The following BRWD1 variants were observed in gnomAD, a reference collection of about 807,000 sequenced individuals.
The protein encoded by BRWD1 is bromodomain and WD repeat domain containing 1.
Under a neutral mutation model 251.2 loss-of-function variants are expected in BRWD1, and 82 were observed. That is an observed-to-expected ratio of 0.33 (90% confidence interval 0.27 to 0.39). The LOEUF is 0.39. Among genes scored for constraint, BRWD1 ranks in the 10% least tolerant of loss-of-function variants. The pLI, the probability that BRWD1 is intolerant of heterozygous loss-of-function variation, is 1.00. For synonymous variants in BRWD1, 918 were observed against 902.8 expected (o/e 1.02, Z -0.30); for missense variants, 2,233 against 2,711.6 (o/e 0.82, Z 3.92).
chr21:39,244,921 A>AATATATATATATATATATATATATAT (rs56801824), intron 21 of BRWD1, among the ~76,000 whole-genome samples: 1,212 of 111,924 alleles, frequency 0.011, 39 homozygotes, highest in Non-Finnish European at 0.014. Context: ...CTTTGGAAGA[A>AATATATATATATATATATATATATAT]ATATATATAT....
Position 39,313,612 on chromosome 21 carries a change from GCCA to G in BRWD1, c.-124_-122del, listed in dbSNP as rs1157697622. ...GCGCGCCGCCGCCGCCGCCGCCGCCGCCATACCGTGCGCGCCGCCTGGACCGAC... is the reference window on the plus strand; with the variant it reads ...GCGCGCCGCCGCCGCCGCCGCCGCCGTACCGTGCGCGCCGCCTGGACCGAC... On this transcript the variant is annotated 5_prime_UTR_variant, in exon 1 of 41. It removes an upstream start codon present in the reference 5' UTR. Coordinates refer to ENST00000342449, the MANE Select transcript of BRWD1 (RefSeq NM_033656.4). 1.9e-5 allele frequency: 15 copies of G among 776,048 alleles called. No homozygotes were observed. In the African/African-American group the frequency reaches 2.9e-4, roughly 15 times the overall value. The allele number at this position is 776,048 out of a possible 1,614,324, so 48.1% of individuals were successfully genotyped here.
intron 8 of BRWD1, among the ~76,000 whole-genome samples, chr21:39,288,020 A>C (rs940453797): frequency 1.3e-5 from 2 of 152,236 alleles, no homozygotes; most frequent in Admixed American, 1.3e-4. Context: ...GGTCTGGCTC[A>C]GTGTCTCAAG....
At position 39,238,593 on chromosome 21, in the gene BRWD1, A is replaced by C; in HGVS notation, c.2482-20T>G. 3.8e-6 allele frequency: 6 copies of C among 1,562,468 alleles called. No homozygotes were observed. Among genetic ancestry groups the C allele is most frequent in the Non-Finnish European group, 5.3e-6 (6 of 1,133,922 alleles). On this transcript the variant is annotated intron_variant, in intron 21 of 40. Coordinates refer to ENST00000342449, the MANE Select transcript of BRWD1 (RefSeq NM_033656.4). ...AGTCTCCTAATTTGTGAAGGGGGGA[A>C]AAAAATCTTGATCCCTGAAGTTAAA...
Position 39,225,203 on chromosome 21 carries a change from A to G in BRWD1, c.3209-6T>C, listed in dbSNP as rs1361021478. On this transcript the variant is annotated splice_region_variant and splice_polypyrimidine_tract_variant and intron_variant, in intron 27 of 40. Transcript: ENST00000342449. Reference sequence around the variant, plus strand: ...AATAGAGCGGAATCTGTCACCTAGGAGAGAAATGATCAAGTCTGAGGCATT... The same window carrying G: ...AATAGAGCGGAATCTGTCACCTAGGGGAGAAATGATCAAGTCTGAGGCATT... 6.3e-7 allele frequency: 1 copy of G among 1,589,664 alleles called. No homozygotes were observed.
chr21:39,314,632 G>T (rs752902360), upstream of BRWD1: 9 of 337,390 alleles, frequency 2.7e-5, no homozygotes, highest in Non-Finnish European at 4.7e-5. Context: ...CATCCAGCCT[G>T]CCCTGCTCTG....
intron 27 of BRWD1, 113 bp from the exon 28 acceptor site, chr21:39,225,310 A>T (rs9977787): frequency 0.12 from 88,415 of 733,782 alleles, 5,757 homozygotes; most frequent in Admixed American, 0.14. Context: ...CACAATACAA[A>T]AACAGGCAAG....
chr21:39,192,881 T>G lies in BRWD1; in HGVS notation c.*3378A>C. 1 of 902,710 alleles carries G rather than the reference T, an allele frequency of 1.1e-6. No individual in the cohort carries two copies. Among genetic ancestry groups the G allele is most frequent in the Non-Finnish European group, 1.3e-6 (1 of 788,610 alleles). The allele number at this position is 902,710 out of a possible 1,614,324, so 55.9% of individuals were successfully genotyped here. A position where few individuals can be genotyped will look rare whatever the true frequency, so the allele number is the denominator to read the frequency against. On this transcript the variant is annotated 3_prime_UTR_variant, in exon 41 of 41. Coordinates refer to ENST00000342449, the MANE Select transcript of BRWD1 (RefSeq NM_033656.4). ...ACAGAAAATATTAAAATTCTTCCTA[T>G]TTTTAATATCAAACAGGGAGGTTAG...
At chr21:39,293,288 T>G (rs2035867109) in intron 8 of BRWD1, among the ~76,000 whole-genome samples, 1 of 151,778 alleles carries the variant, frequency 6.6e-6, no homozygotes, top group African/African-American at 2.4e-5. Context: ...TGGTCAGGAG[T>G]TCGAGACCAG....
chr21:39,319,710 A>G (rs1301973537), intron 1 of BRWD1, among the ~76,000 whole-genome samples: 1 of 152,194 alleles, frequency 6.6e-6, no homozygotes, highest in Non-Finnish European at 1.5e-5. Flanking sequence ...CTCGCTGAAC[A>G]ATGCCCAGCT....
intron 8 of BRWD1, among the ~76,000 whole-genome samples, chr21:39,291,589 T>G (rs1012592474): frequency 4.6e-5 from 7 of 152,076 alleles, no homozygotes; most frequent in African/African-American, 1.4e-4. Flanking sequence ...CTAAAAAAAC[T>G]AAAACAAGCA....
At chr21:39,228,872 T>A (rs76283330) in intron 26 of BRWD1, among the ~76,000 whole-genome samples, 42 of 152,258 alleles carry the variant, frequency 2.8e-4, no homozygotes, top group East Asian at 2.1e-3. Context: ...TAAAAAAAAA[T>A]GTTTATGCCT....
At chr21:39,295,327 C>A (rs1168549847) in intron 7 of BRWD1, among the ~76,000 whole-genome samples, 1 of 151,658 alleles carries the variant, frequency 6.6e-6, no homozygotes, top group African/African-American at 2.4e-5. Flanking sequence ...GCTGGGACTA[C>A]AGGCGCCCAC....
intron 21 of BRWD1, among the ~76,000 whole-genome samples, chr21:39,238,989 T>A (rs753515296): frequency 6.6e-6 from 1 of 152,208 alleles, no homozygotes; most frequent in Non-Finnish European, 1.5e-5. Flanking sequence ...TTTATCTTCT[T>A]TGGTGAGGTG....
At chr21:39,267,649 G>A (rs948265006) in intron 15 of BRWD1, among the ~76,000 whole-genome samples, 3 of 152,116 alleles carry the variant, frequency 2.0e-5, no homozygotes, top group African/African-American at 7.2e-5. Context: ...ATAAACTGAA[G>A]AGTAAATTCA....
At chr21:39,303,441 C>A (rs1346919198) in intron 4 of BRWD1, among the ~76,000 whole-genome samples, 1 of 149,850 alleles carries the variant, frequency 6.7e-6, no homozygotes, top group Non-Finnish European at 1.5e-5. Context: ...ATCGCTTGAG[C>A]CCAGGAGGCA....
chr21:39,295,834 T>A lies in BRWD1; in HGVS notation c.518A>T (p.Tyr173Phe). The A allele has an allele frequency of 6.2e-7, 1 of 1,611,538 alleles. No homozygotes were observed. The highest frequency in any genetic ancestry group is 8.5e-7 in the Non-Finnish European group (1 of 1,178,376). ...TFSTAFPGTM[Y>F]QHIKMHRRIL... ...CCTTCTGTGCATTTTTATATGCTGA[T>A]ACATAGTTCCTGGAAATGCTGTACT... The change falls in exon 7 of 41, where the codon TAT becomes TTT. Residue 173 changes from tyrosine (Y) to phenylalanine (F), a missense_variant. Tyr to Phe is a conservative substitution (Grantham distance 22, BLOSUM62 3). Coordinates refer to ENST00000342449, the MANE Select transcript of BRWD1 (RefSeq NM_033656.4).
intron 4 of BRWD1, among the ~76,000 whole-genome samples, chr21:39,304,619 C>A (rs77186012): frequency 1.5e-4 from 22 of 148,100 alleles, no homozygotes; most frequent in African/African-American, 1.5e-4. Context: ...GTCTGGAAAA[C>A]AAAAAAAAAA....
Position 39,189,021 on chromosome 21 carries a change from A to T in BRWD1, c.*7238T>A, listed in dbSNP as rs1227532453. 1 of 985,244 alleles carries T rather than the reference A, an allele frequency of 1.0e-6. No individual in the cohort carries two copies. Among genetic ancestry groups the T allele is most frequent in the Non-Finnish European group, 1.2e-6 (1 of 829,902 alleles). The allele number at this position is 985,244 out of a possible 1,614,324, so 61.0% of individuals were successfully genotyped here. A position where few individuals can be genotyped will look rare whatever the true frequency, so the allele number is the denominator to read the frequency against. On this transcript the variant is annotated 3_prime_UTR_variant, in exon 41 of 41. Coordinates refer to ENST00000342449, the MANE Select transcript of BRWD1 (RefSeq NM_033656.4). ...GCACTGTGTTTACCACTTCAAAGAC[A>T]CTTCTCTTGGGAATTTTAAAATTAT...
At chr21:39,262,793 G>A (rs193165814) in intron 17 of BRWD1, among the ~76,000 whole-genome samples, 3 of 152,302 alleles carry the variant, frequency 2.0e-5, no homozygotes, top group Admixed American at 2.0e-4. Context: ...GATTACAAGG[G>A]ACTGGGAGAA....
Sources: allele counts gnomAD v4.1 joint callset (sites outside exome capture counted in the v4.1 genomes callset), GRCh38; gene constraint gnomAD v4.1.1; transcripts MANE v1.5; gene names NCBI Gene and HGNC (gene_info 2026-07-23, HGNC 2026-07-21).